Variants in HFM1 observed in about 807,000 individuals in gnomAD.
The protein encoded by HFM1 is helicase for meiosis 1, also known as probable ATP-dependent DNA helicase HFM1.
HFM1 carries 169 observed loss-of-function variants against 192.1 expected under a neutral mutation model. The observed-to-expected ratio is 0.88, with a 90% CI of 0.78 to 1.00. HFM1 has a LOEUF of 1.00. Ranked by LOEUF, HFM1 falls within the 50% of genes least tolerant of loss-of-function variation. HFM1 has a pLI of 0.00. For missense variants in HFM1, 1,661 were observed against 1,668.0 expected (o/e 1.00, Z 0.07); for synonymous variants, 525 against 537.8 (o/e 0.98, Z 0.33).
intron 23 of HFM1, among the ~76,000 whole-genome samples, chr1:91,321,018 G>T (rs1208894129): frequency 2.6e-5 from 4 of 152,178 alleles, no homozygotes; most frequent in African/African-American, 9.7e-5. Flanking sequence ...GAAGTCCAGG[G>T]CTTCGTATGG....
Position 91,394,269 on chromosome 1 carries a change from T to C in HFM1, c.318A>G (p.Leu106=). 1 of 1,597,454 alleles carries C rather than the reference T, an allele frequency of 6.3e-7. No individual in the cohort carries two copies. The highest frequency in any genetic ancestry group is 8.6e-7 in the Non-Finnish European group (1 of 1,164,766). ...SDKYEQDDLN[L]EGVGNNDLSH... Reference sequence around the variant, plus strand: ...ATAAGTCATTATTACCTACCCCTTCTAAATTTAGATCATCCTGTTCATATT... The same window carrying C: ...ATAAGTCATTATTACCTACCCCTTCCAAATTTAGATCATCCTGTTCATATT... The change falls in exon 4 of 39, where the codon TTA becomes TTG. Residue 106 remains leucine (L), a synonymous_variant. Transcript: ENST00000370425.
At chr1:91,306,495 T>TA (rs1649632192) in intron 30 of HFM1, among the ~76,000 whole-genome samples, 1 of 152,202 alleles carries the variant, frequency 6.6e-6, no homozygotes, top group African/African-American at 2.4e-5. Flanking sequence ...TAGTGAATTA[T>TA]ATTGATCTAC....
intron 30 of HFM1, among the ~76,000 whole-genome samples, chr1:91,311,420 GT>G (rs1247134481): frequency 6.6e-6 from 1 of 152,086 alleles, no homozygotes; most frequent in Non-Finnish European, 1.5e-5. Flanking sequence ...GAGACCAGGA[GT>G]TTGAGACCAG....
At chr1:91,383,369 T>C (rs779197448) in intron 6 of HFM1, among the ~76,000 whole-genome samples, 6 of 152,274 alleles carry the variant, frequency 3.9e-5, no homozygotes, top group Middle Eastern at 6.8e-3. Context: ...CCTATTTTGA[T>C]CACCACAGAA....
At chr1:91,304,649 T>C (rs1387942303) in intron 30 of HFM1, among the ~76,000 whole-genome samples, 1 of 110,860 alleles carries the variant, frequency 9.0e-6, no homozygotes, top group Admixed American at 9.2e-5. Context: ...TTTTTTTTTT[T>C]TGTATTTTTA....
At chr1:91,380,591 T>C (rs1661440639) in intron 7 of HFM1, among the ~76,000 whole-genome samples, 1 of 152,060 alleles carries the variant, frequency 6.6e-6, no homozygotes, top group Non-Finnish European at 1.5e-5. Flanking sequence ...CTGTCTCCAC[T>C]ACAAATAGAA....
At chr1:91,357,459 T>C (rs1459087697) in intron 13 of HFM1, among the ~76,000 whole-genome samples, 1 of 152,028 alleles carries the variant, frequency 6.6e-6, no homozygotes, top group Non-Finnish European at 1.5e-5. Flanking sequence ...TCTCAACTAA[T>C]GTAACAAAGG....
chr1:91,296,327 CTG>C (rs1647561363), intron 30 of HFM1, among the ~76,000 whole-genome samples: 3 of 152,148 alleles, frequency 2.0e-5, no homozygotes, highest in Admixed American at 1.3e-4. Flanking sequence ...AAATCAATGA[CTG>C]TATTATTTGT....
At chr1:91,364,004 G>T (rs1658893069) in intron 13 of HFM1, among the ~76,000 whole-genome samples, 1 of 152,118 alleles carries the variant, frequency 6.6e-6, no homozygotes, top group Non-Finnish European at 1.5e-5. Flanking sequence ...ATGGACATAT[G>T]GAGGGGAACA....
rs946283507 is a variant in HFM1 at position 91,356,977 on chromosome 1, A to G, written c.1686-3678T>C. ...AGTAGTAATGAAGAATCTTCCAACAAGGAAAAGCCCAGAACCAGACAGCAT... is the reference window on the plus strand; with the variant it reads ...AGTAGTAATGAAGAATCTTCCAACAGGGAAAAGCCCAGAACCAGACAGCAT... On this transcript the variant is annotated intron_variant, in intron 13 of 38. Coordinates refer to ENST00000370425, the MANE Select transcript of HFM1 (RefSeq NM_001017975.6). Among the ~76,000 whole-genome samples, 6 of 152,198 alleles carry G rather than the reference A, an allele frequency of 3.9e-5. 1 individual carries two copies. The highest frequency in any genetic ancestry group is 3.9e-4 in the Admixed American group (6 of 15,286).
chr1:91,397,514 A>G lies in HFM1; in HGVS notation c.72-1109T>C, dbSNP rs190676834. ...AGTCATTTAGGATGTTACGCTCTCT[A>G]AAGTGAGAAACTCAGTCTTTTACTT... On this transcript the variant is annotated intron_variant, in intron 2 of 38. Coordinates refer to ENST00000370425, the MANE Select transcript of HFM1 (RefSeq NM_001017975.6). Among the ~76,000 whole-genome samples, 155 of 152,336 alleles carry G rather than the reference A, an allele frequency of 1.0e-3. 2 individuals carry two copies. The highest frequency in any genetic ancestry group is 1.9e-3 in the Non-Finnish European group (131 of 68,036).
chr1:91,297,206 T>A (rs535408216), intron 30 of HFM1, among the ~76,000 whole-genome samples: 66 of 152,194 alleles, frequency 4.3e-4, no homozygotes, highest in Admixed American at 2.7e-3. Flanking sequence ...AGCACAGCAG[T>A]CTGAGATCAA....
chr1:91,338,957 C>T (rs1203587591), intron 20 of HFM1: 5 of 455,774 alleles, frequency 1.1e-5, no homozygotes, highest in Admixed American at 7.1e-5. Context: ...TACTTAACCT[C>T]GAGGGGCCAG....
At chr1:91,401,632 C>T (rs1664318481) in intron 1 of HFM1, among the ~76,000 whole-genome samples, 1 of 152,026 alleles carries the variant, frequency 6.6e-6, no homozygotes, top group Non-Finnish European at 1.5e-5. Flanking sequence ...ATAATATTGA[C>T]AATGAGTTGA....
At chr1:91,289,528 T>C (rs1256888596) in intron 30 of HFM1, among the ~76,000 whole-genome samples, 2 of 152,038 alleles carry the variant, frequency 1.3e-5, no homozygotes, top group South Asian at 2.1e-4. Flanking sequence ...AGGTGGAGGT[T>C]GTAGCGAGCC....
chr1:91,299,750 C>G (rs2949789), intron 30 of HFM1, among the ~76,000 whole-genome samples: 105,303 of 151,898 alleles, frequency 0.69, 36,718 homozygotes, highest in East Asian at 0.81. Flanking sequence ...AACAAAGACA[C>G]AACATACCAG....
At chr1:91,309,175 A>G (rs887663137) in intron 30 of HFM1, among the ~76,000 whole-genome samples, 19 of 152,178 alleles carry the variant, frequency 1.2e-4, no homozygotes, top group African/African-American at 4.3e-4. Context: ...TGCCAATACT[A>G]TTCAGAGAGC....
chr1:91,373,858 G>T (rs1660571872), intron 13 of HFM1, among the ~76,000 whole-genome samples: 1 of 151,998 alleles, frequency 6.6e-6, no homozygotes, highest in African/African-American at 2.4e-5. Context: ...ATGCAAGAAT[G>T]ACCTAATACA....
At chr1:91,368,220 A>C (rs1424105508) in intron 13 of HFM1, among the ~76,000 whole-genome samples, 1 of 152,198 alleles carries the variant, frequency 6.6e-6, no homozygotes, top group Non-Finnish European at 1.5e-5. Flanking sequence ...AGGCAGGCCA[A>C]CATTCAAATT....
Sources: gnomAD v4.1 joint callset for allele counts (sites outside exome capture counted in the v4.1 genomes callset) on GRCh38, gnomAD v4.1.1 for gene constraint, MANE v1.5 for transcripts, NCBI Gene and HGNC (gene_info 2026-07-23, HGNC 2026-07-21) for gene names.